Variants in TENM3 observed in about 807,000 individuals in gnomAD.
TENM3 encodes teneurin-3.
TENM3 carries 63 observed loss-of-function variants against 255.1 expected under a neutral mutation model. The observed-to-expected ratio is 0.25, with a 90% CI of 0.20 to 0.30. The LOEUF is 0.30. Among genes scored for constraint, TENM3 ranks in the 10% least tolerant of loss-of-function variants. The pLI is 1.00. For synonymous variants in TENM3, 1,306 were observed against 1,322.3 expected (o/e 0.99, Z 0.27); for missense variants, 2,929 against 3,461.1 (o/e 0.85, Z 3.86).
At chr4:181,785,137 G>T in the TENM3 span, among the ~76,000 whole-genome samples, 2 of 152,164 alleles carry the variant, frequency 1.3e-5, no homozygotes, top group African/African-American at 2.4e-5. Flanking sequence ...GTGAATGAAG[G>T]CACATGTGTG....
chr4:181,994,764 C>T, the TENM3 span, among the ~76,000 whole-genome samples: 5 of 152,002 alleles, frequency 3.3e-5, no homozygotes, highest in Non-Finnish European at 5.9e-5. Flanking sequence ...ATTAAAGCAG[C>T]TTTCATGAGC....
At chr4:181,665,030 G>T in the TENM3 span, among the ~76,000 whole-genome samples, 1 of 152,146 alleles carries the variant, frequency 6.6e-6, no homozygotes, top group Non-Finnish European at 1.5e-5. Flanking sequence ...TATTAGGGGG[G>T]TGCCACTCTT....
the TENM3 span, among the ~76,000 whole-genome samples, chr4:181,786,450 C>A: frequency 6.6e-6 from 1 of 152,012 alleles, no homozygotes; most frequent in Non-Finnish European, 1.5e-5. Flanking sequence ...AATGGGTGGA[C>A]CCACGAGGTG....
At chr4:182,460,007 A>T (rs1372902932) in intron 3 of TENM3, among the ~76,000 whole-genome samples, 1 of 152,068 alleles carries the variant, frequency 6.6e-6, no homozygotes, top group Non-Finnish European at 1.5e-5. Context: ...GAATATCTCA[A>T]TTAGCAATAA....
chr4:182,449,214 G>T (rs1302395495), intron 3 of TENM3: 1 of 164,664 alleles, frequency 6.1e-6, no homozygotes, highest in South Asian at 1.7e-4. Context: ...GGTGGTGGCG[G>T]CGGCGGCGGC....
chr4:182,047,329 C>A, the TENM3 span, among the ~76,000 whole-genome samples: 265 of 151,900 alleles, frequency 1.7e-3, 2 homozygotes, highest in African/African-American at 6.0e-3. Flanking sequence ...TTTGGGAGGC[C>A]GAGGTGGGTG....
Position 182,736,849 on chromosome 4 carries a change from A to G in TENM3, c.3009A>G (p.Lys1003=). ...EETTIPGTDL[K]LSYLSSRAAG... ...CTACAATTCCAGGAACAGATTTGAA[A>G]CTCTCCTACTTGAGTTCCAGAGCTG... Residue 1003 remains lysine, a synonymous_variant, in exon 17 of 28, where the codon AAA becomes AAG. Coordinates refer to ENST00000511685, the MANE Select transcript of TENM3 (RefSeq NM_001080477.4). 1 of 1,613,534 alleles carries G rather than the reference A, an allele frequency of 6.2e-7. No individual in the cohort carries two copies. Among genetic ancestry groups the G allele is most frequent in the South Asian group, 1.1e-5 (1 of 91,046 alleles).
chr4:182,683,874 A>G (rs1044463215), intron 11 of TENM3, among the ~76,000 whole-genome samples: 7 of 152,004 alleles, frequency 4.6e-5, no homozygotes, highest in African/African-American at 1.7e-4. Context: ...AAAAAGATAA[A>G]TCTGAGGGAC....
chr4:182,679,599 G>GAAA (rs61060098), intron 7 of TENM3, 67 bp from the exon 8 acceptor site: 3 of 1,096,228 alleles, frequency 2.7e-6, no homozygotes, highest in African/African-American at 1.6e-5. Context: ...AGATTGAAGA[G>GAAA]AAAAAAAAAA....
the TENM3 span, among the ~76,000 whole-genome samples, chr4:181,839,874 C>T: frequency 6.6e-6 from 1 of 151,810 alleles, no homozygotes; most frequent in Non-Finnish European, 1.5e-5. Flanking sequence ...TACATTTCTT[C>T]TTATGAATCT....
At chr4:182,055,055 A>G in the TENM3 span, among the ~76,000 whole-genome samples, 3 of 152,144 alleles carry the variant, frequency 2.0e-5, no homozygotes, top group Admixed American at 6.5e-5. Context: ...TTCCGTCTCT[A>G]TGGATGCTCA....
At chr4:181,811,940 TTGAG>T in the TENM3 span, among the ~76,000 whole-genome samples, 1 of 152,200 alleles carries the variant, frequency 6.6e-6, no homozygotes, top group African/African-American at 2.4e-5. Flanking sequence ...GAAAACTAGA[TTGAG>T]TGTGATTAAA....
intron 1 of TENM3, among the ~76,000 whole-genome samples, chr4:182,162,728 C>T (rs944795383): frequency 6.6e-6 from 1 of 152,212 alleles, no homozygotes; most frequent in Non-Finnish European, 1.5e-5. Flanking sequence ...TCAAATACTG[C>T]ATCCTCCAGA....
chr4:181,599,069 G>GT, the TENM3 span, among the ~76,000 whole-genome samples: 60 of 152,310 alleles, frequency 3.9e-4, no homozygotes, highest in African/African-American at 1.4e-3. Context: ...AAACTGACAA[G>GT]TTAGGTGAAA....
At chr4:181,841,597 T>C in the TENM3 span, among the ~76,000 whole-genome samples, 7 of 152,210 alleles carry the variant, frequency 4.6e-5, no homozygotes. Context: ...TATAGTATTC[T>C]TCTGACATTT....
chr4:181,506,123 G>A, the TENM3 span, among the ~76,000 whole-genome samples: 2 of 152,090 alleles, frequency 1.3e-5, no homozygotes, highest in African/African-American at 4.8e-5. Context: ...GGATATTAAA[G>A]ACAAATATAC....
At chr4:182,321,657 T>G (rs1250476468) in intron 1 of TENM3, among the ~76,000 whole-genome samples, 7 of 149,594 alleles carry the variant, frequency 4.7e-5, no homozygotes, top group Non-Finnish European at 8.9e-5. Flanking sequence ...ATAAAATAAC[T>G]TCTCTTGGCC....
intron 3 of TENM3, among the ~76,000 whole-genome samples, chr4:182,592,375 T>C (rs985543511): frequency 1.3e-5 from 2 of 152,216 alleles, no homozygotes; most frequent in African/African-American, 2.4e-5. Flanking sequence ...CAACTCTCGT[T>C]TTGTCCTTGT....
At chr4:182,762,149 C>T (rs28680294) in intron 22 of TENM3, among the ~76,000 whole-genome samples, 20,418 of 152,192 alleles carry the variant, frequency 0.13, 1,665 homozygotes, top group Non-Finnish European at 0.17. Context: ...CAGATTTTCT[C>T]AGTTCATCGG....
Sources: gnomAD v4.1 joint callset for allele counts (sites outside exome capture counted in the v4.1 genomes callset) on GRCh38, gnomAD v4.1.1 for gene constraint, MANE v1.5 for transcripts, NCBI Gene and HGNC (gene_info 2026-07-23, HGNC 2026-07-21) for gene names.